Variants in HNF4A observed in about 807,000 individuals in gnomAD.
HNF4A encodes hepatocyte nuclear factor 4-alpha.
Under a neutral mutation model 52.4 loss-of-function variants are expected in HNF4A, and 15 were observed. That is an observed-to-expected ratio of 0.29 (90% CI 0.19 to 0.44). HNF4A has a LOEUF of 0.44. Among genes scored for constraint, HNF4A ranks in the 20% least tolerant of loss-of-function variants. The pLI, the probability that HNF4A is intolerant of heterozygous loss-of-function variation, is 1.00. For synonymous variants in HNF4A, 280 were observed against 264.4 expected (o/e 1.06, Z -0.57); for missense variants, 479 against 647.2 (o/e 0.74, Z 2.82).
At chr20:44,405,923 G>A in intron 1 of HNF4A, 135 bp from the exon 2 acceptor site, 1 of 833,832 alleles carries the variant, frequency 1.2e-6, no homozygotes, top group Non-Finnish European at 2.1e-6. Flanking sequence ...AGGTCACTGA[G>A]TGGGGAGGTG....
chr20:44,379,317 G>A (rs1355782294), intron 1 of HNF4A, among the ~76,000 whole-genome samples: 1 of 152,068 alleles, frequency 6.6e-6, no homozygotes, highest in African/African-American at 2.4e-5. Context: ...ATACTCGGGA[G>A]TACAATTGCT....
intron 5 of HNF4A, 97 bp from the exon 6 acceptor site, chr20:44,418,327 AG>A (rs2063694650): frequency 2.2e-6 from 2 of 890,794 alleles, no homozygotes; most frequent in Non-Finnish European, 3.8e-6. Flanking sequence ...GTAGAGGCAG[AG>A]GGGAGCATTA....
intron 7 of HNF4A, among the ~76,000 whole-genome samples, chr20:44,421,778 T>TATATATAATATATATTATATATATATA (rs2063748318): frequency 2.7e-5 from 4 of 146,626 alleles, no homozygotes; most frequent in East Asian, 2.0e-4. Context: ...TATGTGTATA[T>TATATATAATATATATTATATATATATA]ATATATAATA....
chr20:44,386,921 C>T (rs544096281), intron 1 of HNF4A, among the ~76,000 whole-genome samples: 49 of 152,208 alleles, frequency 3.2e-4, no homozygotes, highest in African/African-American at 8.2e-4. Flanking sequence ...TGTTACGCAC[C>T]GAGCACTTGA....
At position 44,388,380 on chromosome 20, in the gene HNF4A, CA is replaced by C. The variant is rs1263323891; in HGVS notation, c.50-17677del. ...TGGAACCTTCCTCAAAGACCCCCCC[CA>C]CCCCCGTACATTGGAACAAGGTGCT... On this transcript the variant is annotated intron_variant, in intron 1 of 9. Transcript: ENST00000316673. 4.7e-3 allele frequency among the ~76,000 whole-genome samples: 538 copies of C among 114,544 alleles called. 148 individuals are homozygous for C. The highest frequency in any genetic ancestry group is 0.022 in the African/African-American group (472 of 21,638). The allele number at this position is 114,544 out of a possible 152,430, so 75.1% of individuals were successfully genotyped here.
intron 5 of HNF4A, among the ~76,000 whole-genome samples, chr20:44,415,911 G>A (rs780701830): frequency 6.6e-6 from 1 of 152,030 alleles, no homozygotes; most frequent in Non-Finnish European, 1.5e-5. Context: ...CCTGTTCCTT[G>A]TGCTCTGGCC....
intron 1 of HNF4A, among the ~76,000 whole-genome samples, chr20:44,389,044 G>A (rs1164154846): frequency 1.3e-5 from 2 of 152,176 alleles, no homozygotes; most frequent in Non-Finnish European, 2.9e-5. Context: ...CCTCAGGTGC[G>A]CCCCTTGCCC....
rs565735346 is a variant in HNF4A at position 44,372,041 on chromosome 20, C to T, written c.49+16188C>T. 6.6e-5 allele frequency among the ~76,000 whole-genome samples: 10 copies of T among 152,234 alleles called. No individual in the cohort carries two copies. In the South Asian group the frequency reaches 1.9e-3, roughly 28 times the overall value. Reference sequence around the variant, plus strand: ...TGCTGTATTGTTTTTCTTAGAGGAACGTGTGAACTTTGCTCACACCCTATC... The same window carrying T: ...TGCTGTATTGTTTTTCTTAGAGGAATGTGTGAACTTTGCTCACACCCTATC... On this transcript the variant is annotated intron_variant, in intron 1 of 9. Transcript: ENST00000316673.
rs2063519050 is a variant in HNF4A at position 44,407,549 on chromosome 20, C to G, written c.385+74C>G. On this transcript the variant is annotated intron_variant, in intron 3 of 9. Coordinates refer to ENST00000316099, the MANE Select transcript of HNF4A (RefSeq NM_000457.6). ...ACAGCTCCCCGACAGTCATTTACAA[C>G]TGTAGCCACACTTTATGACTCAGTG... The G allele has an allele frequency of 8.9e-6, 9 of 1,016,896 alleles. No individual in the cohort carries two copies. In the South Asian group the frequency reaches 9.5e-5, roughly 11 times the overall value. The allele number at this position is 1,016,896 out of a possible 1,614,324, so 63.0% of individuals were successfully genotyped here.
intron 1 of HNF4A, among the ~76,000 whole-genome samples, chr20:44,372,078 T>A (rs2063039953): frequency 6.6e-6 from 1 of 152,218 alleles, no homozygotes; most frequent in African/African-American, 2.4e-5. Context: ...GTTCCATTTA[T>A]TTCAGTTACT....
intron 3 of HNF4A, 46 bp downstream of exon 3, chr20:44,407,521 C>T (rs1468001058): frequency 1.6e-6 from 2 of 1,239,518 alleles, no homozygotes. Context: ...CCCACCTGCA[C>T]CCACAGCTCC....
At chr20:44,358,655 T>C (rs567104009) in intron 1 of HNF4A, among the ~76,000 whole-genome samples, 6 of 151,926 alleles carry the variant, frequency 3.9e-5, no homozygotes, top group African/African-American at 1.4e-4. Context: ...AAACAAAAAA[T>C]CTTCTTCTGG....
intron 1 of HNF4A, among the ~76,000 whole-genome samples, chr20:44,367,096 G>A (rs2062977286): frequency 6.6e-6 from 1 of 152,176 alleles, no homozygotes; most frequent in Non-Finnish European, 1.5e-5. Flanking sequence ...AACACTTTTG[G>A]AGGCCAAGGT....
At position 44,432,245 on chromosome 20, in the gene HNF4A, C is replaced by T. The variant is rs1392757731; in HGVS notation, c.*2580C>T. ...ATCTACCCCTTTCTGGAGGAGAAACCCATTCCACCTTAATAACTTTATTGT... is the reference window on the plus strand; with the variant it reads ...ATCTACCCCTTTCTGGAGGAGAAACTCATTCCACCTTAATAACTTTATTGT... On this transcript the variant is annotated 3_prime_UTR_variant, in exon 10 of 10. Transcript: ENST00000316099. The T allele has an allele frequency of 1.3e-5, 2 of 152,002 alleles. No homozygotes were observed. The highest frequency in any genetic ancestry group is 6.6e-5 in the Admixed American group (1 of 15,236). 9.4% of individuals were successfully genotyped at this position (152,002 alleles called of 1,614,324 possible).
chr20:44,380,642 G>A (rs554996319), intron 1 of HNF4A, among the ~76,000 whole-genome samples: 2 of 152,220 alleles, frequency 1.3e-5, no homozygotes, highest in African/African-American at 4.8e-5. Flanking sequence ...AGTTGTAAGA[G>A]TTCTTTATAT....
rs569730346 is a variant in HNF4A, at chr20:44,372,221, A to G, written c.49+16368A>G. On this transcript the variant is annotated intron_variant, in intron 1 of 9. Coordinates refer to the HNF4A transcript ENST00000316673. Reference sequence around the variant, plus strand: ...TTTAAGTGACTACAAGAAAAGTTTAAATTATGTCTGTGGCTCACATTCTAT... The same window carrying G: ...TTTAAGTGACTACAAGAAAAGTTTAGATTATGTCTGTGGCTCACATTCTAT... Among the ~76,000 whole-genome samples, 5 of 152,324 alleles carry G rather than the reference A, an allele frequency of 3.3e-5. No homozygotes were observed. The East Asian group carries it at 9.6e-4, about 29-fold the overall frequency.
chr20:44,373,676 C>A (rs1417750830), intron 1 of HNF4A, among the ~76,000 whole-genome samples: 2 of 151,972 alleles, frequency 1.3e-5, no homozygotes, highest in South Asian at 2.1e-4. Context: ...CTATACACAC[C>A]CTTTTTTTTT....
chr20:44,357,145 C>T (rs2062867665), intron 1 of HNF4A, among the ~76,000 whole-genome samples: 2 of 152,120 alleles, frequency 1.3e-5, no homozygotes, highest in African/African-American at 4.8e-5. Flanking sequence ...TTTGCTTTGA[C>T]CCCCATCAAA....
chr20:44,377,009 TG>T (rs1302149245), intron 1 of HNF4A, among the ~76,000 whole-genome samples: 1 of 151,930 alleles, frequency 6.6e-6, no homozygotes, highest in East Asian at 1.9e-4. Flanking sequence ...AGAGCCAGCC[TG>T]GGCAACATGG....
Sources: gnomAD v4.1 joint callset for allele counts (sites outside exome capture counted in the v4.1 genomes callset) on GRCh38, gnomAD v4.1.1 for gene constraint, MANE v1.5 for transcripts, NCBI Gene and HGNC (gene_info 2026-07-23, HGNC 2026-07-21) for gene names.